PTPRQ: variants seen among roughly 807,000 people sequenced by gnomAD.
PTPRQ encodes the protein protein tyrosine phosphatase receptor type Q, also known as phosphatidylinositol phosphatase PTPRQ.
Under a neutral mutation model 246.0 loss-of-function variants are expected in PTPRQ, and 199 were observed. The ratio of observed to expected loss-of-function variants is 0.81; its 90% CI spans 0.72 to 0.91. The LOEUF (loss-of-function observed/expected upper bound fraction) is 0.91, where lower values mean the gene tolerates loss of function less well. Among genes scored for constraint, PTPRQ ranks in the 40% least tolerant of loss-of-function variants. The probability of loss-of-function intolerance (pLI) is 0.00; values close to 1 mark genes in which losing one functional copy is unlikely to be tolerated. For missense variants in PTPRQ, 2,624 were observed against 2,528.4 expected (o/e 1.04, Z -0.81); for synonymous variants, 869 against 853.2 (o/e 1.02, Z -0.32).
chr12:80,632,567 A>G (rs1461726287), intron 34 of PTPRQ, among the ~76,000 whole-genome samples: 1 of 152,204 alleles, frequency 6.6e-6, no homozygotes, highest in Admixed American at 6.5e-5. Context: ...ATGGCTAACT[A>G]CTAAAGAGAG....
intron 26 of PTPRQ, among the ~76,000 whole-genome samples, chr12:80,602,548 C>T (rs543902844): frequency 2.0e-5 from 3 of 151,802 alleles, no homozygotes; most frequent in East Asian, 2.0e-4. Flanking sequence ...GGGAGGAACG[C>T]GTGTCCTCAC....
chr12:80,499,180 G>A (rs1329252937), intron 14 of PTPRQ, among the ~76,000 whole-genome samples: 1 of 151,932 alleles, frequency 6.6e-6, no homozygotes, highest in Non-Finnish European at 1.5e-5. Context: ...AGGCTCCTGA[G>A]ATGGCTAAAA....
At chr12:80,572,042 T>C (rs545904489) in intron 25 of PTPRQ, among the ~76,000 whole-genome samples, 2 of 152,166 alleles carry the variant, frequency 1.3e-5, no homozygotes, top group African/African-American at 4.8e-5. Flanking sequence ...TATAATGATC[T>C]TATTAATTTT....
rs1013963439 is a variant in PTPRQ, at chr12:80,493,432, C to A, written c.1517C>A (p.Ala506Asp). The A allele has an allele frequency of 6.5e-6, 10 of 1,548,308 alleles. No homozygotes were observed. The Admixed American group carries it at 1.8e-4, about 28-fold the overall frequency. The change falls in exon 10 of 45, where the codon GCT (alanine) becomes GAT (aspartate). Residue 506 changes from alanine (A) to aspartate (D), a missense_variant. Ala to Asp is a moderately radical substitution (Grantham distance 126). Transcript: ENST00000644991. ...AAAAACTTTCCTGCAAGGAATAGAG[C>A]TGAAGACCAGACTTCACCAGTTGGT... ...PDKNFPARNR[A>D]EDQTSPVVTT...
At position 80,534,117 on chromosome 12, in the gene PTPRQ, C is replaced by T. The variant is rs1895919787; in HGVS notation, c.2781C>T (p.Thr927=). The change falls in exon 18 of 45, where the codon ACC becomes ACT. Residue 927 remains threonine (T), a synonymous_variant. Transcript: ENST00000644991. The part of the protein sequence containing the change: ...VEYSAYVTAS[T]RFGDGKTRSN... ...ACAGTGCTTATGTAACAGCTAGCAC[C>T]AGATTTGGTGATGGGAAAACAAGAA... The T allele has an allele frequency of 6.5e-7, 1 of 1,539,656 alleles. No homozygotes were observed. Among genetic ancestry groups the T allele is most frequent in the Non-Finnish European group, 8.8e-7 (1 of 1,141,810 alleles).
At chr12:80,570,863 T>C (rs2120954229) in intron 25 of PTPRQ, among the ~76,000 whole-genome samples, 1 of 152,324 alleles carries the variant, frequency 6.6e-6, no homozygotes, top group East Asian at 1.9e-4. Flanking sequence ...ATTGCTTGTT[T>C]CTGTCATTTT....
At chr12:80,633,809 C>A (rs765934404) in intron 34 of PTPRQ, among the ~76,000 whole-genome samples, 7 of 152,118 alleles carry the variant, frequency 4.6e-5, no homozygotes, top group Non-Finnish European at 1.0e-4. Flanking sequence ...ATGGACTGGC[C>A]ACATTTATGT....
In PTPRQ at chr12:80,569,548, ATT is replaced by A. The variant is rs879565298; in HGVS notation, c.4286-18580_4286-18579del. ...AAAACTTACAGTATAATAATAATAAATTAAAAACAAAACAAAACAAAAAGAAC... is the reference window on the plus strand; with the variant it reads ...AAAACTTACAGTATAATAATAATAAAAAAAACAAAACAAAACAAAAAGAAC... On this transcript the variant is annotated intron_variant, in intron 25 of 44. Coordinates refer to ENST00000644991, the MANE Select transcript of PTPRQ (RefSeq NM_001145026.2). Among the ~76,000 whole-genome samples the A allele has an allele frequency of 1.5e-3, 233 of 152,132 alleles. 3 individuals carry two copies. Among genetic ancestry groups the A allele is most frequent in the Admixed American group, 0.014 (218 of 15,274 alleles).
chr12:80,645,425 A>G (rs1009349684), intron 35 of PTPRQ, among the ~76,000 whole-genome samples: 1 of 152,000 alleles, frequency 6.6e-6, no homozygotes, highest in Non-Finnish European at 1.5e-5. Context: ...TTCCCTCACA[A>G]TAAAGCCAGA....
intron 17 of PTPRQ, among the ~76,000 whole-genome samples, chr12:80,532,899 C>T (rs1895885265): frequency 6.6e-6 from 1 of 152,148 alleles, no homozygotes; most frequent in Admixed American, 6.5e-5. Context: ...GGCAGTAAAA[C>T]CATGACTGAA....
chr12:80,538,610 G>A (rs1192410742), intron 19 of PTPRQ, among the ~76,000 whole-genome samples: 1 of 152,092 alleles, frequency 6.6e-6, no homozygotes, highest in Non-Finnish European at 1.5e-5. Flanking sequence ...CAAAATTGTA[G>A]TAAATCTTTT....
At chr12:80,635,176 C>G (rs1358464207) in intron 35 of PTPRQ, 103 bp downstream of exon 35, 1 of 1,459,570 alleles carries the variant, frequency 6.9e-7, no homozygotes, top group Non-Finnish European at 9.0e-7. Context: ...CTAATTTACA[C>G]AGGTCACAGA....
chr12:80,654,019 TTTTC>T (rs200926292), intron 38 of PTPRQ, among the ~76,000 whole-genome samples: 2,569 of 151,828 alleles, frequency 0.017, 56 homozygotes, highest in African/African-American at 0.055. Context: ...TTCTTTCTTT[TTTTC>T]TTTCTTTCTT....
intron 25 of PTPRQ, among the ~76,000 whole-genome samples, chr12:80,557,902 C>A (rs534162027): frequency 4.6e-5 from 7 of 152,234 alleles, no homozygotes; most frequent in African/African-American, 1.7e-4. Context: ...TTGGACACCA[C>A]TAATCTGTTC....
rs1190945999 is a variant in PTPRQ, at chr12:80,669,287, A to G, written c.6328-52A>G. ...TAGTCGTAATAACTGTGGTATACAT[A>G]TATATCAATATAACAATGACGCTTA... is the stretch of plus-strand genomic sequence containing the variant. On this transcript the variant is annotated intron_variant, in intron 40 of 44. Transcript: ENST00000644991. 6.5e-6 allele frequency: 10 copies of G among 1,541,814 alleles called. No homozygotes were observed. In the African/African-American group the frequency reaches 9.7e-5, roughly 15 times the overall value.
chr12:80,678,582 A>T lies in PTPRQ; in HGVS notation c.6739-20A>T. The stretch of plus-strand genomic sequence containing the variant: ...TCTTCATCAATATATTTGTTTAACC[A>T]CTCTGTCTTTGGTGTCTAGGCACAG... On this transcript the variant is annotated intron_variant, in intron 43 of 44. Coordinates refer to ENST00000644991, the MANE Select transcript of PTPRQ (RefSeq NM_001145026.2). 1.3e-6 allele frequency: 2 copies of T among 1,532,674 alleles called. No homozygotes were observed. The highest frequency in any genetic ancestry group is 2.5e-5 in the East Asian group (1 of 40,478). The allele number at this position is 1,532,674 out of a possible 1,614,324, so 94.9% of individuals were successfully genotyped here.
chr12:80,568,348 T>C (rs1235836672), intron 25 of PTPRQ, among the ~76,000 whole-genome samples: 1 of 152,228 alleles, frequency 6.6e-6, no homozygotes, highest in South Asian at 2.1e-4. Context: ...TTAATTGTTA[T>C]ACACTTTCAA....
At chr12:80,475,789 A>G (rs966006347) in intron 8 of PTPRQ, among the ~76,000 whole-genome samples, 3 of 152,080 alleles carry the variant, frequency 2.0e-5, no homozygotes, top group Admixed American at 1.3e-4. Flanking sequence ...AACACTTACT[A>G]AGAAAGTAAG....
At chr12:80,677,983 C>T (rs1901199947) in intron 43 of PTPRQ, among the ~76,000 whole-genome samples, 2 of 151,958 alleles carry the variant, frequency 1.3e-5, no homozygotes, top group African/African-American at 4.8e-5. Context: ...TTTAAAGGAT[C>T]CAAATGGTAC....
Sources: gnomAD v4.1 joint callset for allele counts (sites outside exome capture counted in the v4.1 genomes callset) on GRCh38, gnomAD v4.1.1 for gene constraint, MANE v1.5 for transcripts, NCBI Gene and HGNC (gene_info 2026-07-23, HGNC 2026-07-21) for gene names.